The following PTPN4 variants were observed in gnomAD, a reference collection of about 807,000 sequenced individuals.
The protein encoded by PTPN4 is tyrosine-protein phosphatase non-receptor type 4.
PTPN4 carries 49 observed loss-of-function variants against 135.5 expected under a neutral mutation model. That is an observed-to-expected ratio of 0.36 (90% CI 0.29 to 0.46). The LOEUF (loss-of-function observed/expected upper bound fraction) is 0.46, where lower values mean the gene tolerates loss of function less well. PTPN4 is among the 20% of genes least tolerant of loss of function. The pLI, the probability that PTPN4 is intolerant of heterozygous loss-of-function variation, is 1.00. For missense variants in PTPN4, 860 were observed against 1,101.0 expected (o/e 0.78, Z 3.10); for synonymous variants, 333 against 369.9 (o/e 0.90, Z 1.14).
intron 1 of PTPN4, among the ~76,000 whole-genome samples, chr2:119,796,217 T>C (rs1215256002): frequency 6.6e-6 from 1 of 152,198 alleles, no homozygotes; most frequent in Non-Finnish European, 1.5e-5. Flanking sequence ...GCAGTGGCTG[T>C]TCTGGATGGC....
chr2:119,910,871 A>C (rs966567081), intron 10 of PTPN4, among the ~76,000 whole-genome samples: 1 of 152,170 alleles, frequency 6.6e-6, no homozygotes, highest in Non-Finnish European at 1.5e-5. Flanking sequence ...AGTCTCGGGC[A>C]TGTCTTTATT....
chr2:119,890,996 T>A (rs1678231894), intron 9 of PTPN4, among the ~76,000 whole-genome samples: 1 of 152,188 alleles, frequency 6.6e-6, no homozygotes. Context: ...GATGAGACAC[T>A]TCTGCTATTT....
At chr2:119,919,660 T>C (rs938472249) in intron 11 of PTPN4, among the ~76,000 whole-genome samples, 2 of 152,014 alleles carry the variant, frequency 1.3e-5, no homozygotes, top group Admixed American at 6.6e-5. Context: ...CCGTCTCTAC[T>C]AAACATAGAA....
At chr2:119,781,246 T>C (rs1484596800) in intron 1 of PTPN4, among the ~76,000 whole-genome samples, 1 of 152,296 alleles carries the variant, frequency 6.6e-6, no homozygotes, top group South Asian at 2.1e-4. Flanking sequence ...TAATTTCTTT[T>C]AGTGAGGAAT....
At chr2:119,785,818 CAG>C (rs1299023294) in intron 1 of PTPN4, among the ~76,000 whole-genome samples, 2 of 151,886 alleles carry the variant, frequency 1.3e-5, no homozygotes, top group African/African-American at 2.4e-5. Flanking sequence ...GAGAGAGAGA[CAG>C]GGAGAGAGCA....
chr2:119,789,381 C>G (rs542721674), intron 1 of PTPN4, among the ~76,000 whole-genome samples: 2 of 152,216 alleles, frequency 1.3e-5, no homozygotes, highest in East Asian at 3.9e-4. Context: ...TTTTAAAAAT[C>G]GCTTTCTTGA....
intron 13 of PTPN4, among the ~76,000 whole-genome samples, chr2:119,927,740 T>C (rs72838999): frequency 0.024 from 3,662 of 152,320 alleles, 65 homozygotes; most frequent in Non-Finnish European, 0.033. Context: ...TAGTTATGTG[T>C]TTGGCATCTA....
At chr2:119,813,662 T>G (rs1042326533) in intron 2 of PTPN4, among the ~76,000 whole-genome samples, 1 of 152,202 alleles carries the variant, frequency 6.6e-6, no homozygotes, top group African/African-American at 2.4e-5. Context: ...ATGTTCTATT[T>G]GTCAAGGTTG....
intron 9 of PTPN4, among the ~76,000 whole-genome samples, chr2:119,891,396 C>G (rs1574390329): frequency 6.6e-6 from 1 of 152,194 alleles, no homozygotes; most frequent in East Asian, 1.9e-4. Flanking sequence ...GATCTCAGGT[C>G]ACTGCAACCT....
At chr2:119,771,659 C>T (rs1690736691) in intron 1 of PTPN4, 1 of 152,194 alleles carries the variant, frequency 6.6e-6, no homozygotes, top group Admixed American at 6.5e-5. Flanking sequence ...AACTGCCTGT[C>T]TCTATTGCCT....
At chr2:119,845,257 GGGGAGGGGGAGGGAGAGGGAGAGGGAGA>G (rs1677476776) in intron 2 of PTPN4, among the ~76,000 whole-genome samples, 1 of 110,376 alleles carries the variant, frequency 9.1e-6, no homozygotes, top group African/African-American at 3.3e-5. Flanking sequence ...GGAGGGGGAG[GGGGAGGGGGAGGGAGAGGGAGAGGGAGA>G]GGGAGAGGGA....
intron 2 of PTPN4, among the ~76,000 whole-genome samples, chr2:119,838,507 A>G (rs1233103077): frequency 2.0e-5 from 3 of 152,162 alleles, no homozygotes; most frequent in Non-Finnish European, 4.4e-5. Context: ...TTTCCTGCAA[A>G]CTTGTCTTAA....
Position 119,852,842 on chromosome 2 carries a change from G to GT in PTPN4, c.139-9686dup, listed in dbSNP as rs906849126. Among the ~76,000 whole-genome samples, 25 of 151,272 alleles carry GT rather than the reference G, an allele frequency of 1.7e-4. No individual in the cohort carries two copies. The Middle Eastern group carries it at 0.017, about 103-fold the overall frequency. Reference sequence around the variant, plus strand: ...TGTTGAGTTTTCTTTCAGTTCAGTGGTTTTTTTTGTTTTGTTTTGTTTTGT... The same window carrying GT: ...TGTTGAGTTTTCTTTCAGTTCAGTGGTTTTTTTTTGTTTTGTTTTGTTTTGT... On this transcript the variant is annotated intron_variant, in intron 2 of 26. Coordinates refer to ENST00000263708, the MANE Select transcript of PTPN4 (RefSeq NM_002830.4).
chr2:119,900,673 C>A, intron 9 of PTPN4, 45 bp from the exon 10 acceptor site: 1 of 1,159,578 alleles, frequency 8.6e-7, no homozygotes, highest in Admixed American at 2.4e-5. Context: ...TCTAACAAAG[C>A]CCATAAATTT....
intron 26 of PTPN4, among the ~76,000 whole-genome samples, chr2:119,968,635 CA>C (rs1013672719): frequency 4.6e-5 from 7 of 151,354 alleles, no homozygotes; most frequent in Non-Finnish European, 1.0e-4. Context: ...ACTAAAAATG[CA>C]AAAAAAATAG....
At chr2:119,763,491 A>G (rs1026707319) in intron 1 of PTPN4, among the ~76,000 whole-genome samples, 2 of 152,154 alleles carry the variant, frequency 1.3e-5, no homozygotes, top group African/African-American at 4.8e-5. Flanking sequence ...TGAGGTAGGT[A>G]TTATTAATCC....
At chr2:119,780,465 A>G (rs1333855577) in intron 1 of PTPN4, among the ~76,000 whole-genome samples, 1 of 152,190 alleles carries the variant, frequency 6.6e-6, no homozygotes, top group Non-Finnish European at 1.5e-5. Context: ...CAAGAGCTAC[A>G]CATTGCAGTA....
intron 2 of PTPN4, among the ~76,000 whole-genome samples, chr2:119,848,334 C>T (rs1033900637): frequency 5.3e-5 from 8 of 151,858 alleles, no homozygotes; most frequent in African/African-American, 1.5e-4. Context: ...CCACCATGCC[C>T]GGCTAATTTT....
intron 2 of PTPN4, among the ~76,000 whole-genome samples, chr2:119,832,606 TC>T (rs1677235133): frequency 1.3e-5 from 2 of 152,242 alleles, no homozygotes; most frequent in African/African-American, 4.8e-5. Flanking sequence ...CAACTTTTTT[TC>T]TTACTGATTT....
Sources: allele counts gnomAD v4.1 joint callset (sites outside exome capture counted in the v4.1 genomes callset), GRCh38; gene constraint gnomAD v4.1.1; transcripts MANE v1.5; gene names NCBI Gene and HGNC (gene_info 2026-07-23, HGNC 2026-07-21).